The following MYO5A variants were observed in gnomAD, a reference collection of about 807,000 sequenced individuals.
MYO5A encodes unconventional myosin-Va.
A neutral mutation model predicts 249.7 loss-of-function variants in MYO5A; 98 were observed. That is an observed-to-expected ratio of 0.39 (90% CI 0.33 to 0.46). The LOEUF (loss-of-function observed/expected upper bound fraction) is 0.46, where lower values mean the gene tolerates loss of function less well. MYO5A is among the 20% of genes least tolerant of loss of function. MYO5A has a pLI of 0.98. For synonymous variants in MYO5A, 778 were observed against 810.6 expected (o/e 0.96, Z 0.68); for missense variants, 1,696 against 2,308.8 (o/e 0.73, Z 5.44).
chr15:52,450,743 T>A (rs1186466912), intron 1 of MYO5A, among the ~76,000 whole-genome samples: 1 of 151,248 alleles, frequency 6.6e-6, no homozygotes, highest in African/African-American at 2.4e-5. Flanking sequence ...GCTCAAGTGA[T>A]CCTCCCATCT....
Position 52,339,548 on chromosome 15 carries a change from AAAAAG to A in MYO5A, c.4239+643_4239+647del, listed in dbSNP as rs539752399. On this transcript the variant is annotated intron_variant, in intron 32 of 41. Transcript: ENST00000399233. Reference sequence around the variant, plus strand: ...GAAAAAAAAAAAGGAACAAGGCAAAAAAAAGAAAAGAAAACAGTCAGACTCCATGC... The same window carrying A: ...GAAAAAAAAAAAGGAACAAGGCAAAAAAAAGAAAACAGTCAGACTCCATGC... Among the ~76,000 whole-genome samples, 9 of 152,194 alleles carry A rather than the reference AAAAAG, an allele frequency of 5.9e-5. No individual in the cohort carries two copies. The East Asian group carries it at 7.7e-4, about 13-fold the overall frequency.
At position 52,438,852 on chromosome 15, in the gene MYO5A, C is replaced by T. The variant is rs187103551; in HGVS notation, c.28-5567G>A. On this transcript the variant is annotated intron_variant, in intron 1 of 41. Transcript: ENST00000399233. ...TTTGTTACGGCTCGAGCTGAGCTTT[C>T]GCTCGCCGTCCACCACTGCTGTTTG... 4.8e-4 allele frequency among the ~76,000 whole-genome samples: 73 copies of T among 152,292 alleles called. 1 individual carries two copies. The East Asian group carries it at 7.2e-3, about 15-fold the overall frequency.
At chr15:52,413,514 T>C (rs955676782) in intron 5 of MYO5A, among the ~76,000 whole-genome samples, 2 of 152,176 alleles carry the variant, frequency 1.3e-5, no homozygotes, top group Admixed American at 6.5e-5. Context: ...ATGTTAACCA[T>C]GTAGGATGCT....
intron 1 of MYO5A, among the ~76,000 whole-genome samples, chr15:52,465,289 C>A (rs963992711): frequency 6.6e-6 from 1 of 152,200 alleles, no homozygotes; most frequent in African/African-American, 2.4e-5. Context: ...TAACTCCTCC[C>A]ATGATCCCCT....
At chr15:52,466,980 AAAG>A (rs1192299925) in intron 1 of MYO5A, among the ~76,000 whole-genome samples, 1 of 152,220 alleles carries the variant, frequency 6.6e-6, no homozygotes, top group Admixed American at 6.5e-5. Flanking sequence ...AGCATTCAAG[AAAG>A]CTACCGCATT....
At chr15:52,335,226 A>C (rs2039057394) in intron 34 of MYO5A, among the ~76,000 whole-genome samples, 1 of 152,174 alleles carries the variant, frequency 6.6e-6, no homozygotes, top group African/African-American at 2.4e-5. Flanking sequence ...ATAAGCTTAA[A>C]ATTTGGCTTT....
chr15:52,317,056 T>C lies in MYO5A; in HGVS notation c.5401A>G (p.Thr1801Ala), dbSNP rs190519022. 1.4e-4 allele frequency: 218 copies of C among 1,613,980 alleles called. No individual in the cohort carries two copies. The East Asian group carries it at 4.7e-3, about 35-fold the overall frequency. The change falls in exon 40 of 42, where the codon ACT becomes GCT. Residue 1801 changes from threonine to alanine, a missense_variant. Around this residue, in one of 5 missense-constraint regions of MYO5A, gnomAD observed 625 missense variants for 908.1 expected, o/e 0.69. Coordinates refer to ENST00000399233, the MANE Select transcript of MYO5A (RefSeq NM_001382347.1). Reference protein sequence around the residue: ...AICSMCNALTTAQIVKVLNLY... With the variant: ...AICSMCNALTAAQIVKVLNLY... ...AGGGAAAGTTGCTCTACCTGGGCAG[T>C]AGTTAAAGCATTGCACATAGAACAA...
intron 34 of MYO5A, among the ~76,000 whole-genome samples, chr15:52,332,284 G>A (rs769509693): frequency 3.9e-5 from 6 of 152,016 alleles, no homozygotes; most frequent in African/African-American, 9.7e-5. Flanking sequence ...TGATGCTATC[G>A]GTTATGAAAT....
In MYO5A at chr15:52,389,337, C is replaced by T; in HGVS notation, c.1569G>A (p.Trp523Ter). 1 of 1,612,816 alleles carries T rather than the reference C, an allele frequency of 6.2e-7. No homozygotes were observed. The highest frequency in any genetic ancestry group is 8.5e-7 in the Non-Finnish European group (1 of 1,179,074). ...CKMPKGTDDT[W>*]AQKLYNTHLN... is the part of the protein sequence containing the mutation. ...AATGTGTGTTGTACAATTTTTGGGC[C>T]CAGGTGTCATCTGTGCCTTTAGGCA... Residue 523 changes from tryptophan to a stop codon, truncating the protein, a stop_gained, in exon 13 of 42, where the codon TGG (tryptophan) becomes TGA (stop). Transcript: ENST00000399233. LOFTEE classifies it high-confidence loss of function.
chr15:52,319,468 C>G (rs1489238061), intron 38 of MYO5A, 126 bp from the exon 39 acceptor site: 11 of 1,082,544 alleles, frequency 1.0e-5, no homozygotes, highest in South Asian at 5.2e-5. Flanking sequence ...TGGCTCACAT[C>G]TGTAATCCCA....
At chr15:52,463,369 A>G (rs914320127) in intron 1 of MYO5A, among the ~76,000 whole-genome samples, 7 of 152,194 alleles carry the variant, frequency 4.6e-5, no homozygotes, top group African/African-American at 1.7e-4. Context: ...GTGGCTTTTC[A>G]GTTATATTAA....
chr15:52,370,876 G>T (rs111905187), intron 21 of MYO5A, among the ~76,000 whole-genome samples: 14 of 152,138 alleles, frequency 9.2e-5, no homozygotes, highest in African/African-American at 3.4e-4. Flanking sequence ...ACTTTGGGAG[G>T]CCAAGGCAGG....
At chr15:52,528,380 G>A (rs894528003) in intron 1 of MYO5A, among the ~76,000 whole-genome samples, 2 of 152,236 alleles carry the variant, frequency 1.3e-5, no homozygotes, top group African/African-American at 4.8e-5. Context: ...TTAAGCGCGT[G>A]TCCCCACGAG....
At chr15:52,396,432 A>G in intron 10 of MYO5A, 35 bp from the exon 11 acceptor site, 1 of 1,221,842 alleles carries the variant, frequency 8.2e-7, no homozygotes, top group East Asian at 2.4e-5. Context: ...AAGGGGAGAA[A>G]AGGAACAAAA....
At position 52,380,003 on chromosome 15, in the gene MYO5A, G is replaced by A. The variant is rs1052752398; in HGVS notation, c.2013-95C>T. The stretch of plus-strand genomic sequence containing the variant: ...TCAGGGTGTAAATTCTTTCGTAAGA[G>A]CAAAATGGATAAATCAGAAAAGAAA... On this transcript the variant is annotated intron_variant, in intron 16 of 41. Transcript: ENST00000399233. 5.2e-5 allele frequency: 62 copies of A among 1,199,866 alleles called. 1 individual carries two copies. Among genetic ancestry groups the A allele is most frequent in the Non-Finnish European group, 6.5e-5 (53 of 812,982 alleles). The allele number at this position is 1,199,866 out of a possible 1,614,324, so 74.3% of individuals were successfully genotyped here.
chr15:52,336,617 A>G, intron 33 of MYO5A, 61 bp from the exon 34 acceptor site: 8 of 1,201,706 alleles, frequency 6.7e-6, no homozygotes, highest in Non-Finnish European at 9.6e-6. Flanking sequence ...AAATGCATCA[A>G]AGGAAAATAG....
At chr15:52,376,180 G>T (rs1339309045) in intron 19 of MYO5A, among the ~76,000 whole-genome samples, 167 bp downstream of exon 19, 1 of 152,208 alleles carries the variant, frequency 6.6e-6, no homozygotes, top group Non-Finnish European at 1.5e-5. Context: ...CATTCATAAG[G>T]CTGAGTGAAA....
chr15:52,408,178 A>G (rs758773756), intron 6 of MYO5A, 38 bp from the exon 7 acceptor site: 2 of 1,207,756 alleles, frequency 1.7e-6, no homozygotes, highest in Non-Finnish European at 2.5e-6. Context: ...CAGCATTTTA[A>G]TCTAAAATTC....
intron 2 of MYO5A, among the ~76,000 whole-genome samples, chr15:52,429,937 C>T (rs1001522): frequency 0.46 from 70,572 of 151,868 alleles, 18,230 homozygotes; most frequent in East Asian, 0.85. Context: ...AATACGGCTT[C>T]ATGGCACAGC....
Sources: allele counts gnomAD v4.1 joint callset (sites outside exome capture counted in the v4.1 genomes callset), GRCh38; gene constraint gnomAD v4.1.1; regional missense constraint gnomAD v4.1.1; transcripts MANE v1.5; gene names NCBI Gene and HGNC (gene_info 2026-07-23, HGNC 2026-07-21).